The following PMFBP1 variants were observed in gnomAD, a reference collection of about 807,000 sequenced individuals.
The protein encoded by PMFBP1 is polyamine-modulated factor 1-binding protein 1.
PMFBP1 carries 131 observed loss-of-function variants against 137.8 expected under a neutral mutation model. The observed-to-expected ratio is 0.95, with a 90% CI of 0.82 to 1.10. PMFBP1 has a LOEUF of 1.10. Ranked by LOEUF, PMFBP1 falls within the 50% of genes least tolerant of loss-of-function variation. PMFBP1 has a pLI of 0.00. For synonymous variants in PMFBP1, 490 were observed against 450.4 expected (o/e 1.09, Z -1.11); for missense variants, 1,199 against 1,175.4 (o/e 1.02, Z -0.29).
At chr16:72,221,167 C>T in the PMFBP1 span, among the ~76,000 whole-genome samples, 3 of 152,228 alleles carry the variant, frequency 2.0e-5, no homozygotes, top group African/African-American at 7.2e-5. Context: ...CGCCCCCTGC[C>T]ACCCCTGACA....
chr16:72,235,672 C>G, the PMFBP1 span, among the ~76,000 whole-genome samples: 2 of 151,972 alleles, frequency 1.3e-5, no homozygotes, highest in Non-Finnish European at 2.9e-5. Flanking sequence ...TAATTTCTTT[C>G]AAAATGATTT....
chr16:72,136,861 C>T, intron 7 of PMFBP1, 42 bp from the exon 8 acceptor site: 12 of 1,612,028 alleles, frequency 7.4e-6, no homozygotes, highest in Non-Finnish European at 1.0e-5. Flanking sequence ...AGATGAGAGA[C>T]AATGGAGAGT....
chr16:72,243,803 G>T, the PMFBP1 span, among the ~76,000 whole-genome samples: 1 of 152,150 alleles, frequency 6.6e-6, no homozygotes, highest in Non-Finnish European at 1.5e-5. Context: ...CAGACCAAGA[G>T]ATTAAAGGGG....
chr16:72,155,580 T>C (rs1260592173), intron 3 of PMFBP1, among the ~76,000 whole-genome samples: 1 of 152,206 alleles, frequency 6.6e-6, no homozygotes, highest in Non-Finnish European at 1.5e-5. Flanking sequence ...GAAATGAAAA[T>C]AGCGTCCAAG....
the PMFBP1 span, among the ~76,000 whole-genome samples, chr16:72,198,470 T>C: frequency 6.6e-6 from 1 of 152,190 alleles, no homozygotes; most frequent in East Asian, 1.9e-4. Flanking sequence ...TTTTTAATAA[T>C]AGCTTCCCTC....
intron 12 of PMFBP1, among the ~76,000 whole-genome samples, chr16:72,129,663 C>G (rs1177442220): frequency 1.3e-5 from 2 of 152,146 alleles, no homozygotes; most frequent in Non-Finnish European, 2.9e-5. Context: ...ATAAGAATAG[C>G]TTTTGAATCC....
chr16:72,129,398 T>A (rs963663808), intron 12 of PMFBP1, among the ~76,000 whole-genome samples, 165 bp from the exon 13 acceptor site: 1 of 152,234 alleles, frequency 6.6e-6, no homozygotes, highest in African/African-American at 2.4e-5. Context: ...CCTGTAACAT[T>A]TTTTCTTTGT....
At chr16:72,130,147 T>C in intron 12 of PMFBP1, 66 bp downstream of exon 12, 1 of 1,591,814 alleles carries the variant, frequency 6.3e-7, no homozygotes, top group Non-Finnish European at 8.5e-7. Flanking sequence ...GAGCCACTGC[T>C]CCTAGTCTGT....
chr16:72,119,745 G>A lies in PMFBP1; in HGVS notation c.3007+106C>T. 3 of 1,533,550 alleles carry A rather than the reference G, an allele frequency of 2.0e-6. No homozygotes were observed. In the South Asian group the frequency reaches 4.0e-5, roughly 20 times the overall value. The allele number at this position is 1,533,550 out of a possible 1,614,324, so 95.0% of individuals were successfully genotyped here. On this transcript the variant is annotated intron_variant, in intron 20 of 20. Transcript: ENST00000237353. ...TTTGGTCCAAAGTCGCTAAGAAAAT[G>A]ACTTGAGGCCACAAAAGGCCTATTT...
At chr16:72,230,857 C>T in the PMFBP1 span, among the ~76,000 whole-genome samples, 1 of 152,120 alleles carries the variant, frequency 6.6e-6, no homozygotes, top group Non-Finnish European at 1.5e-5. Flanking sequence ...CCCTCCATTC[C>T]ATCACTCATA....
the PMFBP1 span, among the ~76,000 whole-genome samples, chr16:72,218,104 G>C: frequency 6.6e-6 from 1 of 152,074 alleles, no homozygotes; most frequent in African/African-American, 2.4e-5. Context: ...TCTGCATCTG[G>C]ATACAGAATC....
intron 3 of PMFBP1, 29 bp from the exon 4 acceptor site, chr16:72,154,488 G>C: frequency 6.2e-7 from 1 of 1,605,838 alleles, no homozygotes; most frequent in Non-Finnish European, 8.5e-7. Flanking sequence ...ATACAAAAAA[G>C]GCTTTAGATC....
At chr16:72,147,804 G>T (rs538248647) in intron 5 of PMFBP1, among the ~76,000 whole-genome samples, 1 of 152,140 alleles carries the variant, frequency 6.6e-6, no homozygotes, top group African/African-American at 2.4e-5. Flanking sequence ...AGAAGTGCAA[G>T]TCAAAACCAC....
intron 5 of PMFBP1, among the ~76,000 whole-genome samples, chr16:72,146,005 G>A (rs371012441): frequency 6.6e-6 from 1 of 152,146 alleles, no homozygotes; most frequent in East Asian, 1.9e-4. Context: ...TAGAAAAAGA[G>A]GGAATCCTCC....
the PMFBP1 span, among the ~76,000 whole-genome samples, chr16:72,247,878 G>A: frequency 1.3e-5 from 2 of 152,130 alleles, no homozygotes; most frequent in African/African-American, 4.8e-5. Flanking sequence ...AACACACAAG[G>A]AGGACACTTA....
chr16:72,159,922 A>G (rs183050900), intron 3 of PMFBP1, among the ~76,000 whole-genome samples: 12 of 152,256 alleles, frequency 7.9e-5, no homozygotes, highest in Admixed American at 7.8e-4. Flanking sequence ...CAGAGGTAAG[A>G]CTAGTTCTTA....
chr16:72,247,170 A>G, the PMFBP1 span, among the ~76,000 whole-genome samples: 1 of 152,258 alleles, frequency 6.6e-6, no homozygotes, highest in African/African-American at 2.4e-5. Context: ...TAAAGAACAC[A>G]GAGACTTAAG....
the PMFBP1 span, among the ~76,000 whole-genome samples, chr16:72,247,188 G>T: frequency 6.6e-6 from 1 of 152,228 alleles, no homozygotes. Flanking sequence ...AAGGATCTCT[G>T]TCTAATGCAT....
chr16:72,245,865 C>G, the PMFBP1 span, among the ~76,000 whole-genome samples: 1 of 152,194 alleles, frequency 6.6e-6, no homozygotes, highest in Non-Finnish European at 1.5e-5. Flanking sequence ...TATTTGAACA[C>G]CCAGCATGAC....
Sources: allele counts gnomAD v4.1 joint callset (sites outside exome capture counted in the v4.1 genomes callset), GRCh38; gene constraint gnomAD v4.1.1; transcripts MANE v1.5; gene names NCBI Gene and HGNC (gene_info 2026-07-23, HGNC 2026-07-21).